The following GPR107 variants were observed in gnomAD, a reference collection of about 807,000 sequenced individuals.
GPR107 encodes protein GPR107.
GPR107 carries 31 observed loss-of-function variants against 75.5 expected under a neutral mutation model. The ratio of observed to expected loss-of-function variants is 0.41; its 90% confidence interval spans 0.31 to 0.55. The LOEUF is 0.55. GPR107 is among the 20% of genes least tolerant of loss of function. The pLI, the probability that GPR107 is intolerant of heterozygous loss-of-function variation, is 0.26. For synonymous variants in GPR107, 267 were observed against 251.3 expected (o/e 1.06, Z -0.59); for missense variants, 572 against 665.7 (o/e 0.86, Z 1.55).
chr9:130,091,325 C>T (rs1830730440), intron 8 of GPR107, among the ~76,000 whole-genome samples: 1 of 151,964 alleles, frequency 6.6e-6, no homozygotes. Flanking sequence ...CCTCTCTCTA[C>T]AAAAAATGTG....
chr9:130,104,458 C>T lies in GPR107; in HGVS notation c.1170C>T (p.Thr390=), dbSNP rs760241939. The T allele has an allele frequency of 5.0e-6, 8 of 1,613,284 alleles. No individual in the cohort carries two copies. The highest frequency in any genetic ancestry group is 4.4e-5 in the South Asian group (4 of 91,064). ...TAGCCTACATCATCATAGAGTCCAC[C>T]GAGGAGGGCACGACTGAATATGGCT... ...ANVAYIIIES[T]EEGTTEYGLW... Residue 390 remains threonine, a synonymous_variant, in exon 13 of 18, where the codon ACC becomes ACT. Transcript: ENST00000347136.
At chr9:130,063,840 T>C (rs1829993591) in intron 1 of GPR107, among the ~76,000 whole-genome samples, 1 of 150,654 alleles carries the variant, frequency 6.6e-6, no homozygotes, top group African/African-American at 2.4e-5. Flanking sequence ...GGTCATACTC[T>C]GTCACCCAGG....
chr9:130,115,762 CAAA>C (rs765306078), intron 14 of GPR107, among the ~76,000 whole-genome samples: 9,514 of 89,850 alleles, frequency 0.11, 388 homozygotes, highest in East Asian at 0.19. Context: ...GACTCCGTCT[CAAA>C]AAAAAAAAAA....
chr9:130,133,693 G>A (rs578056197), intron 17 of GPR107, among the ~76,000 whole-genome samples: 27 of 152,286 alleles, frequency 1.8e-4, no homozygotes, highest in South Asian at 4.1e-4. Flanking sequence ...AGGCATTTTC[G>A]TCTTAGGGGA....
At position 130,135,274 on chromosome 9, in the gene GPR107, A is replaced by AT. The variant is rs1227412346; in HGVS notation, c.*157dup. The AT allele has an allele frequency of 2.0e-6, 1 of 508,398 alleles. No individual in the cohort carries two copies. The highest frequency in any genetic ancestry group is 3.5e-6 in the Non-Finnish European group (1 of 287,286). 31.5% of individuals were successfully genotyped at this position (508,398 alleles called of 1,614,324 possible). On this transcript the variant is annotated 3_prime_UTR_variant, in exon 18 of 18. Coordinates refer to ENST00000347136, the MANE Select transcript of GPR107 (RefSeq NM_020960.5). Reference sequence around the variant, plus strand: ...TGGAGCACAGTGCCGCGGAAACCTGATTTTGTACTCTCTTTTATGGAAACG... The same window carrying AT: ...TGGAGCACAGTGCCGCGGAAACCTGATTTTTGTACTCTCTTTTATGGAAACG...
chr9:130,097,157 T>TTC (rs1217579497), intron 9 of GPR107, among the ~76,000 whole-genome samples: 7 of 141,194 alleles, frequency 5.0e-5, no homozygotes, highest in African/African-American at 8.2e-5. Context: ...TTTTTTTTCT[T>TTC]TTTTTTTTTT....
intron 14 of GPR107, among the ~76,000 whole-genome samples, chr9:130,111,025 A>G (rs1028874075): frequency 6.6e-6 from 1 of 151,876 alleles, no homozygotes; most frequent in African/African-American, 2.4e-5. Context: ...TTTTTAATTT[A>G]AAATTTTTGT....
chr9:130,100,539 G>C, intron 10 of GPR107, 90 bp from the exon 11 acceptor site: 1 of 953,140 alleles, frequency 1.0e-6, no homozygotes, highest in Admixed American at 1.7e-5. Flanking sequence ...CAATGATTTG[G>C]ATAATTTCCC....
At chr9:130,094,267 A>T (rs549722315) in intron 9 of GPR107, among the ~76,000 whole-genome samples, 2 of 152,114 alleles carry the variant, frequency 1.3e-5, no homozygotes, top group East Asian at 3.9e-4. Flanking sequence ...ACACGGTGAA[A>T]CCCCATCTCT....
At chr9:130,114,029 C>CTTTTTTTTTTTTT (rs60616601) in intron 14 of GPR107, among the ~76,000 whole-genome samples, 16 of 90,656 alleles carry the variant, frequency 1.8e-4, no homozygotes, top group Non-Finnish European at 2.4e-4. Context: ...TCTTCTCATT[C>CTTTTTTTTTTTTT]TTTTTTTTTT....
intron 16 of GPR107, among the ~76,000 whole-genome samples, chr9:130,127,803 A>G (rs577132084): frequency 6.6e-6 from 1 of 152,164 alleles, no homozygotes; most frequent in Admixed American, 6.5e-5. Context: ...CCCGGGTTCA[A>G]GCGATTCTCC....
At chr9:130,128,136 A>G (rs1355883204) in intron 16 of GPR107, among the ~76,000 whole-genome samples, 4 of 152,234 alleles carry the variant, frequency 2.6e-5, no homozygotes, top group African/African-American at 7.2e-5. Flanking sequence ...GAAAAGCTTC[A>G]GGTAGAGAAA....
chr9:130,057,157 T>A (rs1158366136), intron 1 of GPR107, among the ~76,000 whole-genome samples: 1 of 151,886 alleles, frequency 6.6e-6, no homozygotes, highest in Non-Finnish European at 1.5e-5. Context: ...ATGGCAAGGA[T>A]AACATGAAGA....
At chr9:130,076,366 G>A in intron 2 of GPR107, 46 bp from the exon 3 acceptor site, 2 of 1,145,382 alleles carry the variant, frequency 1.7e-6, no homozygotes, top group Non-Finnish European at 2.7e-6. Flanking sequence ...GAAAAGTATG[G>A]ACAATTGTGT....
chr9:130,114,633 G>T, intron 14 of GPR107: 1 of 713,020 alleles, frequency 1.4e-6, no homozygotes, highest in Non-Finnish European at 2.0e-6. Context: ...CTGTCCTCCT[G>T]CCTCAGTCTC....
intron 9 of GPR107, among the ~76,000 whole-genome samples, chr9:130,097,685 C>G (rs1427702776): frequency 2.0e-5 from 3 of 149,104 alleles, no homozygotes; most frequent in Non-Finnish European, 4.4e-5. Context: ...CATTTCCCCT[C>G]TTGTGGCTGC....
chr9:130,059,733 C>CTTT (rs61429853), intron 1 of GPR107, among the ~76,000 whole-genome samples: 73 of 144,546 alleles, frequency 5.1e-4, no homozygotes, highest in African/African-American at 1.7e-3. Flanking sequence ...GTTAATACGT[C>CTTT]TTTTTTTTTT....
Position 130,058,707 on chromosome 9 carries a change from C to T in GPR107, c.141+4634C>T, listed in dbSNP as rs143628234. Among the ~76,000 whole-genome samples, 1,419 of 152,204 alleles carry T rather than the reference C, an allele frequency of 9.3e-3. 17 individuals are homozygous for T. Among genetic ancestry groups the T allele is most frequent in the African/African-American group, 0.032 (1,343 of 41,540 alleles). On this transcript the variant is annotated intron_variant, in intron 1 of 17. Coordinates refer to ENST00000347136, the MANE Select transcript of GPR107 (RefSeq NM_020960.5). ...CTCGAACTCCTGGCCTCAAGCAGTC[C>T]GCCCGCCTCGGCCTCCCAAAGTTCT...
chr9:130,079,290 G>A (rs765959823), intron 4 of GPR107, among the ~76,000 whole-genome samples: 3 of 152,164 alleles, frequency 2.0e-5, no homozygotes, highest in Non-Finnish European at 2.9e-5. Flanking sequence ...TCTTACTGAT[G>A]TTTTACATTT....
Sources: gnomAD v4.1 joint callset for allele counts (sites outside exome capture counted in the v4.1 genomes callset) on GRCh38, gnomAD v4.1.1 for gene constraint, MANE v1.5 for transcripts, NCBI Gene and HGNC (gene_info 2026-07-23, HGNC 2026-07-21) for gene names.